RBM47: variants seen among roughly 807,000 people sequenced by gnomAD.
The protein encoded by RBM47 is RNA binding motif protein 47.
A neutral mutation model predicts 47.1 loss-of-function variants in RBM47; 21 were observed. That is an observed-to-expected ratio of 0.45 (90% CI 0.32 to 0.64). The LOEUF is 0.64. Among genes scored for constraint, RBM47 ranks in the 30% least tolerant of loss-of-function variants. The pLI is 0.05. For missense variants in RBM47, 708 were observed against 870.9 expected, an observed-to-expected ratio of 0.81 and a Z score of 2.35; for synonymous variants, 375 against 361.7, an observed-to-expected ratio of 1.04 and a Z score of -0.42.
chr4:40,459,672 G>C (rs148349307), intron 3 of RBM47, among the ~76,000 whole-genome samples: 91 of 152,310 alleles, frequency 6.0e-4, no homozygotes, highest in African/African-American at 1.7e-3. Context: ...TGGTATTTCT[G>C]CATGGCCGAA....
At position 40,629,691 on chromosome 4, in the gene RBM47, T is replaced by G. The variant is rs1307364939; in HGVS notation, c.-535A>C. 2 of 152,176 alleles carry G rather than the reference T, an allele frequency of 1.3e-5. No homozygotes were observed. Among genetic ancestry groups the G allele is most frequent in the Admixed American group, 6.5e-5 (1 of 15,280 alleles). The allele number at this position is 152,176 out of a possible 1,614,324, so 9.4% of individuals were successfully genotyped here. The stretch of plus-strand genomic sequence containing the variant: ...ACCGCTCCCCAAACCCTGGTTTCTC[T>G]CTATCCCAAGCTGCACATTCCACAG... On this transcript the variant is annotated 5_prime_UTR_variant, in exon 1 of 7. Coordinates refer to ENST00000295971, the MANE Select transcript of RBM47 (RefSeq NM_001098634.2).
At chr4:40,528,584 G>A (rs1239702372) in intron 2 of RBM47, among the ~76,000 whole-genome samples, 1 of 151,806 alleles carries the variant, frequency 6.6e-6, no homozygotes, top group East Asian at 1.9e-4. Context: ...GGCCAATATG[G>A]TGAAAACCCA....
At chr4:40,454,853 C>T (rs1342603630) in intron 3 of RBM47, among the ~76,000 whole-genome samples, 2 of 152,190 alleles carry the variant, frequency 1.3e-5, no homozygotes, top group Non-Finnish European at 2.9e-5. Flanking sequence ...ACCCAACTTA[C>T]AGAATTGAAA....
chr4:40,492,624 A>T (rs116144788), intron 2 of RBM47, among the ~76,000 whole-genome samples: 2 of 152,338 alleles, frequency 1.3e-5, no homozygotes, highest in Non-Finnish European at 2.9e-5. Flanking sequence ...CTCACCATGC[A>T]GAATTATCTT....
chr4:40,552,224 C>T (rs561186315), intron 1 of RBM47, among the ~76,000 whole-genome samples: 1 of 151,760 alleles, frequency 6.6e-6, no homozygotes, highest in Admixed American at 6.6e-5. Flanking sequence ...TGGTGAAACC[C>T]TGTCTCTACT....
At chr4:40,603,166 T>A (rs7696297) in intron 1 of RBM47, among the ~76,000 whole-genome samples, 6,995 of 152,282 alleles carry the variant, frequency 0.046, 213 homozygotes, top group Middle Eastern at 0.1. Context: ...TAACACTAGA[T>A]TCATTTTGTC....
chr4:40,485,896 T>TA (rs542807983), intron 2 of RBM47, among the ~76,000 whole-genome samples: 2,572 of 130,496 alleles, frequency 0.02, 33 homozygotes, highest in South Asian at 0.032. Context: ...GCCATCTGTG[T>TA]AAAAAAAAAA....
rs1166329290 is a variant in RBM47 at position 40,434,002 on chromosome 4, GGTGTGTGTGT to G, written c.1331-1150_1331-1141del. On this transcript the variant is annotated intron_variant, in intron 5 of 6. Transcript: ENST00000295971. ...TGTGAGTGTGTGTGTGTGGGGCGGGGGTGTGTGTGTGTGTGTGTGTGTGTGTGTGTGTGTG... is the reference window on the plus strand; with the variant it reads ...TGTGAGTGTGTGTGTGTGGGGCGGGGGTGTGTGTGTGTGTGTGTGTGTGTG... Among the ~76,000 whole-genome samples, 65 of 45,708 alleles carry G rather than the reference GGTGTGTGTGT, an allele frequency of 1.4e-3. 10 individuals carry two copies. Among genetic ancestry groups the G allele is most frequent in the African/African-American group, 3.0e-3 (57 of 19,140 alleles). The allele number at this position is 45,708 out of a possible 152,430, so 30.0% of individuals were successfully genotyped here. A position where few individuals can be genotyped will look rare whatever the true frequency, so the allele number is the denominator to read the frequency against.
At chr4:40,467,858 A>G (rs1453470245) in intron 2 of RBM47, among the ~76,000 whole-genome samples, 1 of 152,210 alleles carries the variant, frequency 6.6e-6, no homozygotes, top group Non-Finnish European at 1.5e-5. Flanking sequence ...AGCTCCAAAT[A>G]ACTTATACAA....
chr4:40,472,184 A>G (rs1484350912), intron 2 of RBM47, among the ~76,000 whole-genome samples: 1 of 152,182 alleles, frequency 6.6e-6, no homozygotes, highest in Non-Finnish European at 1.5e-5. Flanking sequence ...ACCCAATCCA[A>G]GCCAATAGTA....
chr4:40,448,196 A>AAAAT (rs1000190681), intron 3 of RBM47, among the ~76,000 whole-genome samples: 9 of 152,122 alleles, frequency 5.9e-5, no homozygotes, highest in East Asian at 1.9e-4. Flanking sequence ...ACTCCATCTC[A>AAAAT]AAATAAATAA....
chr4:40,568,107 T>C (rs899350279), intron 1 of RBM47, among the ~76,000 whole-genome samples: 1 of 150,966 alleles, frequency 6.6e-6, no homozygotes, highest in Non-Finnish European at 1.5e-5. Flanking sequence ...AGCGAGACTC[T>C]GTCTCAAAAA....
chr4:40,562,972 T>A (rs1441972678), intron 1 of RBM47, among the ~76,000 whole-genome samples: 1 of 152,064 alleles, frequency 6.6e-6, no homozygotes, highest in Admixed American at 6.5e-5. Flanking sequence ...CAAAGCAGGG[T>A]AAACAGGCTA....
rs1729160231 is a variant in RBM47, at chr4:40,547,668, T to A, written c.-239-3162A>T. On this transcript the variant is annotated intron_variant, in intron 1 of 6. Coordinates refer to ENST00000295971, the MANE Select transcript of RBM47 (RefSeq NM_001098634.2). Reference sequence around the variant, plus strand: ...ATGAGTAAGGAGGTCAAGGGCATGATAATCAGAGTGGATTAACTGTGCAAT... The same window carrying A: ...ATGAGTAAGGAGGTCAAGGGCATGAAAATCAGAGTGGATTAACTGTGCAAT... Among the ~76,000 whole-genome samples the A allele has an allele frequency of 3.9e-5, 6 of 152,310 alleles. No homozygotes were observed. In the South Asian group the frequency reaches 1.2e-3, roughly 32 times the overall value.
intron 2 of RBM47, among the ~76,000 whole-genome samples, chr4:40,483,690 C>T (rs1720722381): frequency 6.6e-6 from 1 of 151,448 alleles, no homozygotes; most frequent in Non-Finnish European, 1.5e-5. Context: ...AGCAAGACTC[C>T]ATCTCAAAAG....
intron 2 of RBM47, among the ~76,000 whole-genome samples, chr4:40,536,425 C>T (rs1305178960): frequency 6.6e-6 from 1 of 152,212 alleles, no homozygotes; most frequent in Non-Finnish European, 1.5e-5. Context: ...CTGACATTAG[C>T]TACCAATTTC....
intron 2 of RBM47, among the ~76,000 whole-genome samples, chr4:40,529,453 C>G (rs1447226052): frequency 7.6e-6 from 1 of 131,286 alleles, no homozygotes; most frequent in African/African-American, 3.0e-5. Flanking sequence ...GAGGCAGAAG[C>G]TGCAGTGAGC....
chr4:40,451,027 C>G (rs942621539), intron 3 of RBM47, among the ~76,000 whole-genome samples: 7 of 151,894 alleles, frequency 4.6e-5, no homozygotes, highest in African/African-American at 1.7e-4. Context: ...CAACATGGGC[C>G]TGGTGTCTTG....
At chr4:40,621,451 T>C (rs545765903) in intron 1 of RBM47, among the ~76,000 whole-genome samples, 27 of 152,278 alleles carry the variant, frequency 1.8e-4, no homozygotes, top group African/African-American at 6.5e-4. Context: ...GGGGAAAAAT[T>C]AAAGACTCAA....
Sources: allele counts gnomAD v4.1 joint callset (sites outside exome capture counted in the v4.1 genomes callset), GRCh38; gene constraint gnomAD v4.1.1; transcripts MANE v1.5; gene names NCBI Gene and HGNC (gene_info 2026-07-23, HGNC 2026-07-21).